The following TRAK2 variants were observed in gnomAD, a reference collection of about 807,000 sequenced individuals.
TRAK2 encodes trafficking kinesin protein 2.
Under a neutral mutation model 104.6 loss-of-function variants are expected in TRAK2, and 81 were observed. That is an observed-to-expected ratio of 0.77 (90% confidence interval 0.65 to 0.93). TRAK2 has a LOEUF of 0.93. TRAK2 is among the 40% of genes least tolerant of loss of function. The pLI, the probability that TRAK2 is intolerant of heterozygous loss-of-function variation, is 0.00. For synonymous variants in TRAK2, 406 were observed against 394.4 expected (o/e 1.03, Z -0.35); for missense variants, 1,002 against 1,089.0 (o/e 0.92, Z 1.12).
chr2:201,420,657 C>T lies in TRAK2; in HGVS notation c.-150G>A, dbSNP rs984716114. The T allele has an allele frequency of 6.4e-5, 40 of 629,330 alleles. No homozygotes were observed. In the East Asian group the frequency reaches 8.5e-4, roughly 13 times the overall value. The allele number at this position is 629,330 out of a possible 1,614,324, so 39.0% of individuals were successfully genotyped here. On this transcript the variant is annotated 5_prime_UTR_variant, in exon 2 of 16. Transcript: ENST00000332624. ...TTTCTCTGATGAGTCAAATGACATC[C>T]GTAGCAACGAGCACTCTCATGTGAT...
At chr2:201,441,286 T>C (rs1403109897) in intron 1 of TRAK2, among the ~76,000 whole-genome samples, 1 of 152,216 alleles carries the variant, frequency 6.6e-6, no homozygotes, top group Non-Finnish European at 1.5e-5. Context: ...TAAAAAGAAC[T>C]AGTTGTCAGT....
chr2:201,389,692 T>G (rs1461074645), intron 11 of TRAK2, 109 bp downstream of exon 11: 2 of 1,137,970 alleles, frequency 1.8e-6, no homozygotes, highest in African/African-American at 1.5e-5. Context: ...AAACACTGAA[T>G]AGTAAGCAAA....
intron 15 of TRAK2, among the ~76,000 whole-genome samples, chr2:201,382,987 A>G (rs755424672): frequency 2.0e-5 from 3 of 152,192 alleles, no homozygotes; most frequent in Non-Finnish European, 4.4e-5. Flanking sequence ...TAATGCACTT[A>G]AAGTAATTAT....
intron 2 of TRAK2, chr2:201,412,378 G>A (rs1951655187): frequency 7.5e-7 from 1 of 1,334,090 alleles, no homozygotes; most frequent in Non-Finnish European, 1.1e-6. Flanking sequence ...TCTTACAGTT[G>A]GAGTTACATT....
At chr2:201,405,970 C>T (rs1257529898) in intron 3 of TRAK2, among the ~76,000 whole-genome samples, 6 of 152,040 alleles carry the variant, frequency 3.9e-5, no homozygotes, top group Admixed American at 6.6e-5. Context: ...GGCAACAGAA[C>T]GAGACTCCGT....
chr2:201,405,155 G>A (rs1951583356), intron 3 of TRAK2, among the ~76,000 whole-genome samples: 1 of 152,198 alleles, frequency 6.6e-6, no homozygotes, highest in Admixed American at 6.5e-5. Context: ...CCGAAGGAGA[G>A]AGCTTATCTA....
Position 201,380,741 on chromosome 2 carries a change from G to A in TRAK2, c.2547C>T (p.Asn849=), listed in dbSNP as rs753580685. The change falls in exon 16 of 16, where the codon AAC becomes AAT. Residue 849 remains asparagine, a synonymous_variant. Transcript: ENST00000332624. ...KRLGIARVVK[N]PGAQENGRCQ... The stretch of plus-strand genomic sequence containing the variant: ...ATCTTCCATTCTCTTGGGCACCAGG[G>A]TTCTTGACCACTCTGGCTATCCCCA... 1 of 1,614,106 alleles carries A rather than the reference G, an allele frequency of 6.2e-7. No individual in the cohort carries two copies. The highest frequency in any genetic ancestry group is 1.1e-5 in the South Asian group (1 of 91,080).
chr2:201,427,612 A>G (rs568792745), intron 1 of TRAK2, among the ~76,000 whole-genome samples: 1 of 152,326 alleles, frequency 6.6e-6, no homozygotes, highest in East Asian at 1.9e-4. Context: ...TGCTATTGTG[A>G]ATAGTGCCAC....
chr2:201,407,370 T>C, intron 3 of TRAK2, 33 bp downstream of exon 3: 1 of 1,569,882 alleles, frequency 6.4e-7, no homozygotes, highest in Non-Finnish European at 8.7e-7. Flanking sequence ...ATTACTTTAA[T>C]GCACAAACTA....
chr2:201,419,185 G>C (rs183302800), intron 2 of TRAK2: 3 of 152,380 alleles, frequency 2.0e-5, no homozygotes, highest in Admixed American at 2.0e-4. Flanking sequence ...TACTAGAATG[G>C]CTAAAATCAA....
intron 6 of TRAK2, chr2:201,397,836 G>A (rs1302831823): frequency 5.4e-6 from 3 of 554,054 alleles, no homozygotes; most frequent in Non-Finnish European, 9.6e-6. Flanking sequence ...TCTTATCACA[G>A]TTGTAACTAC....
At chr2:201,397,352 G>A (rs942133878) in intron 7 of TRAK2, 150 bp downstream of exon 7, 87 of 546,068 alleles carry the variant, frequency 1.6e-4, no homozygotes, top group Non-Finnish European at 2.4e-4. Flanking sequence ...AGGGTTGTAG[G>A]CTCAATGTGA....
chr2:201,432,157 A>C (rs1360689937), intron 1 of TRAK2, among the ~76,000 whole-genome samples: 1 of 152,168 alleles, frequency 6.6e-6, no homozygotes, highest in Non-Finnish European at 1.5e-5. Flanking sequence ...ATCTTCTTTC[A>C]ACCTAAGAAA....
chr2:201,382,206 G>C (rs760271755), intron 15 of TRAK2, among the ~76,000 whole-genome samples: 9 of 152,036 alleles, frequency 5.9e-5, no homozygotes, highest in Non-Finnish European at 1.2e-4. Flanking sequence ...AAAAACTAAC[G>C]AATCATGTAC....
chr2:201,395,509 C>T, intron 7 of TRAK2, 65 bp from the exon 8 acceptor site: 2 of 1,426,960 alleles, frequency 1.4e-6, no homozygotes, highest in Admixed American at 2.2e-5. Context: ...CAAACTATGA[C>T]TTGTGAGCTA....
intron 9 of TRAK2, among the ~76,000 whole-genome samples, chr2:201,393,844 C>A (rs1392238592): frequency 6.6e-6 from 1 of 152,172 alleles, no homozygotes; most frequent in Admixed American, 6.6e-5. Context: ...ATCTTCTGGG[C>A]TTAAGTGATC....
At position 201,425,056 on chromosome 2, in the gene TRAK2, CACTT is replaced by C. The variant is rs1462675849; in HGVS notation, c.-199-4354_-199-4351del. 4.6e-5 allele frequency among the ~76,000 whole-genome samples: 7 copies of C among 152,332 alleles called. No homozygotes were observed. In the East Asian group the frequency reaches 1.3e-3, roughly 29 times the overall value. ...AGGAAGTTTTATTGGAATACAGCCA[CACTT>C]ACTTAAGTATTGTCAATTGGTTGCT... On this transcript the variant is annotated intron_variant, in intron 1 of 15. Coordinates refer to ENST00000332624, the MANE Select transcript of TRAK2 (RefSeq NM_015049.3).
At chr2:201,416,070 T>C (rs1951689483) in intron 2 of TRAK2, among the ~76,000 whole-genome samples, 1 of 151,870 alleles carries the variant, frequency 6.6e-6, no homozygotes, top group Non-Finnish European at 1.5e-5. Context: ...TAGAATCATG[T>C]GTCAGTGAAA....
chr2:201,415,442 T>C (rs1951683324), intron 2 of TRAK2, among the ~76,000 whole-genome samples: 1 of 152,020 alleles, frequency 6.6e-6, no homozygotes, highest in African/African-American at 2.4e-5. Flanking sequence ...AATAACAGAA[T>C]TAATAAGCAG....
Sources: allele counts gnomAD v4.1 joint callset (sites outside exome capture counted in the v4.1 genomes callset), GRCh38; gene constraint gnomAD v4.1.1; transcripts MANE v1.5; gene names NCBI Gene and HGNC (gene_info 2026-07-23, HGNC 2026-07-21).